The following STX6 variants were observed in gnomAD, a reference collection of about 807,000 sequenced individuals.
STX6 encodes the protein syntaxin 6.
In STX6, 23 loss-of-function variants were observed where a neutral mutation model predicts 38.0. That is an observed-to-expected ratio of 0.60 (90% CI 0.43 to 0.86). STX6 has a LOEUF of 0.86. Among genes scored for constraint, STX6 ranks in the 40% least tolerant of loss-of-function variants. The pLI is 0.00. For missense variants in STX6, 274 were observed against 312.9 expected (o/e 0.88, Z 0.94); for synonymous variants, 123 against 107.5 (o/e 1.14, Z -0.89).
rs1571319100 is a variant in STX6 at position 180,974,171 on chromosome 1, C to T, written c.*2399G>A. The T allele has an allele frequency of 6.6e-6, 1 of 152,164 alleles. No homozygotes were observed. Among genetic ancestry groups the T allele is most frequent in the Admixed American group, 6.5e-5 (1 of 15,282 alleles). The allele number at this position is 152,164 out of a possible 1,614,324, so 9.4% of individuals were successfully genotyped here. ...GCCACATTTGGAGCCTGAGTGGAGG[C>T]CCTTCAAATTAACACTGGTTCTGTA... On this transcript the variant is annotated 3_prime_UTR_variant, in exon 8 of 8. Transcript: ENST00000258301.
chr1:180,995,277 A>C (rs2102313357), intron 3 of STX6, among the ~76,000 whole-genome samples: 1 of 152,248 alleles, frequency 6.6e-6, no homozygotes, highest in East Asian at 1.9e-4. Context: ...TATTTTTTAA[A>C]TGTAGTTCCC....
chr1:180,989,956 C>T (rs758462078), intron 5 of STX6, 28 bp downstream of exon 5: 13 of 1,612,066 alleles, frequency 8.1e-6, no homozygotes, highest in African/African-American at 1.3e-5. Flanking sequence ...CCCACTGGCC[C>T]GTCCTAAGTC....
At chr1:180,985,726 G>C (rs1169391871) in intron 6 of STX6, among the ~76,000 whole-genome samples, 3 of 152,190 alleles carry the variant, frequency 2.0e-5, no homozygotes, top group African/African-American at 4.8e-5. Flanking sequence ...AAATATTCCA[G>C]ACTTTTCAAC....
At chr1:181,017,840 G>A (rs902254511) in intron 1 of STX6, among the ~76,000 whole-genome samples, 2 of 152,120 alleles carry the variant, frequency 1.3e-5, no homozygotes, top group Non-Finnish European at 2.9e-5. Context: ...GGAGGACAAC[G>A]TGGTAGTATG....
intron 2 of STX6, among the ~76,000 whole-genome samples, chr1:181,003,903 A>G (rs1656152345): frequency 6.6e-6 from 1 of 152,220 alleles, no homozygotes; most frequent in South Asian, 2.1e-4. Flanking sequence ...ATGCAGTTTC[A>G]TGGAACAAGA....
At chr1:181,009,653 G>T (rs1656337150) in intron 1 of STX6, among the ~76,000 whole-genome samples, 1 of 152,174 alleles carries the variant, frequency 6.6e-6, no homozygotes, top group Non-Finnish European at 1.5e-5. Context: ...CAACATGCTG[G>T]AAAGGTGGTG....
chr1:180,979,541 C>CA (rs1257034378), intron 7 of STX6, among the ~76,000 whole-genome samples: 1 of 152,286 alleles, frequency 6.6e-6, no homozygotes, highest in South Asian at 2.1e-4. Context: ...AAAATTAACT[C>CA]AAAATGTATC....
intron 1 of STX6, among the ~76,000 whole-genome samples, chr1:181,016,224 TTTA>T (rs1184749559): frequency 4.8e-5 from 4 of 82,490 alleles, no homozygotes; most frequent in Non-Finnish European, 1.1e-4. Flanking sequence ...TCTTCCCATC[TTTA>T]TCTTTCTCAT....
intron 7 of STX6, among the ~76,000 whole-genome samples, chr1:180,980,984 T>C (rs900322342): frequency 2.6e-5 from 4 of 152,018 alleles, no homozygotes; most frequent in Admixed American, 6.5e-5. Flanking sequence ...AGCAAAACTA[T>C]GGAGACAGTC....
At chr1:180,981,903 A>G (rs2102301838) in intron 7 of STX6, among the ~76,000 whole-genome samples, 1 of 152,334 alleles carries the variant, frequency 6.6e-6, no homozygotes, top group South Asian at 2.1e-4. Context: ...TCAAAAAGTC[A>G]GAGCGGAACA....
At position 180,974,353 on chromosome 1, in the gene STX6, G is replaced by A. The variant is rs1655194613; in HGVS notation, c.*2217C>T. 1 of 152,306 alleles carries A rather than the reference G, an allele frequency of 6.6e-6. No homozygotes were observed. Among genetic ancestry groups the A allele is most frequent in the African/African-American group, 2.4e-5 (1 of 41,436 alleles). 9.4% of individuals were successfully genotyped at this position (152,306 alleles called of 1,614,324 possible). A position where few individuals can be genotyped will look rare whatever the true frequency, so the allele number is the denominator to read the frequency against. On this transcript the variant is annotated 3_prime_UTR_variant, in exon 8 of 8. Coordinates refer to ENST00000258301, the MANE Select transcript of STX6 (RefSeq NM_005819.6). ...TTCAGCCTGAGTCAGGTCTACAATG[G>A]CCACTATTTAGAAAATAATTTAAAT... is the stretch of plus-strand genomic sequence containing the variant.
chr1:181,015,393 A>C (rs926074412), intron 1 of STX6, among the ~76,000 whole-genome samples: 11 of 152,188 alleles, frequency 7.2e-5, no homozygotes, highest in Non-Finnish European at 1.6e-4. Context: ...CAATAGTGCC[A>C]CCATTTTCCA....
At chr1:180,977,301 C>A (rs1655283299) in intron 7 of STX6, among the ~76,000 whole-genome samples, 2 of 152,354 alleles carry the variant, frequency 1.3e-5, no homozygotes, top group Admixed American at 1.3e-4. Context: ...GCACAGGAAA[C>A]AACTTGACTA....
intron 1 of STX6, among the ~76,000 whole-genome samples, chr1:181,010,771 A>T (rs1656368346): frequency 6.6e-6 from 1 of 152,186 alleles, no homozygotes; most frequent in African/African-American, 2.4e-5. Flanking sequence ...CCATCAGTGC[A>T]AATGTCAACA....
At chr1:181,009,984 G>T (rs753920077) in intron 1 of STX6, among the ~76,000 whole-genome samples, 1 of 152,164 alleles carries the variant, frequency 6.6e-6, no homozygotes, top group African/African-American at 2.4e-5. Context: ...AGAAGGCCAC[G>T]TACTATACGA....
chr1:180,976,919 G>C (rs144533883), intron 7 of STX6, among the ~76,000 whole-genome samples: 1 of 152,220 alleles, frequency 6.6e-6, no homozygotes, highest in Non-Finnish European at 1.5e-5. Flanking sequence ...AAAATCTGCG[G>C]ATCTTAGCTT....
In STX6 at chr1:181,012,853, T is replaced by C. The variant is rs576041420; in HGVS notation, c.36-7390A>G. Among the ~76,000 whole-genome samples, 7 of 152,152 alleles carry C rather than the reference T, an allele frequency of 4.6e-5. No individual in the cohort carries two copies. The East Asian group carries it at 1.4e-3, about 29-fold the overall frequency. ...CCACGCCCGGCTAATTTTGTATTTTTAGTAGAGACGGGGTTTCTCCATGTT... is the reference window on the plus strand; with the variant it reads ...CCACGCCCGGCTAATTTTGTATTTTCAGTAGAGACGGGGTTTCTCCATGTT... On this transcript the variant is annotated intron_variant, in intron 1 of 7. Transcript: ENST00000258301.
chr1:180,977,923 A>G (rs1188861875), intron 7 of STX6, among the ~76,000 whole-genome samples: 1 of 152,204 alleles, frequency 6.6e-6, no homozygotes, highest in African/African-American at 2.4e-5. Context: ...AGTGGTGATC[A>G]CCTTGGTCTA....
intron 4 of STX6, among the ~76,000 whole-genome samples, chr1:180,992,684 A>G (rs189145080): frequency 2.1e-4 from 32 of 152,364 alleles, no homozygotes; most frequent in Admixed American, 1.7e-3. Flanking sequence ...AATCTAAATG[A>G]AAGTCCAAAT....
Sources: gnomAD v4.1 joint callset for allele counts (sites outside exome capture counted in the v4.1 genomes callset) on GRCh38, gnomAD v4.1.1 for gene constraint, MANE v1.5 for transcripts, NCBI Gene and HGNC (gene_info 2026-07-23, HGNC 2026-07-21) for gene names.